Variants in ZNF691 observed in about 807,000 individuals in gnomAD.
ZNF691 encodes the protein zinc finger protein 691.
A neutral mutation model predicts 24.1 loss-of-function variants in ZNF691; 11 were observed. The ratio of observed to expected loss-of-function variants is 0.46; its 90% CI spans 0.29 to 0.75. The LOEUF (loss-of-function observed/expected upper bound fraction) is 0.75, where lower values mean the gene tolerates loss of function less well. ZNF691 is among the 30% of genes least tolerant of loss of function. The pLI is 0.11. For missense variants in ZNF691, 356 were observed against 409.0 expected (o/e 0.87, Z 1.12); for synonymous variants, 149 against 153.9 (o/e 0.97, Z 0.23).
chr1:42,851,485 G>A lies in ZNF691; in HGVS notation c.620G>A (p.Ser207Asn), dbSNP rs1359381281. 2.5e-6 allele frequency: 4 copies of A among 1,614,096 alleles called. No homozygotes were observed. Among genetic ancestry groups the A allele is most frequent in the African/African-American group, 1.3e-5 (1 of 74,936 alleles). Reference protein sequence around the residue: ...RPYRCDICGKSFSQSATLAVH... With the variant: ...RPYRCDICGKNFSQSATLAVH... ...TACCGCTGTGACATCTGTGGCAAGA[G>A]CTTCAGCCAGAGTGCCACGCTAGCT... is the stretch of plus-strand genomic sequence containing the variant. Residue 207 changes from serine (S) to asparagine (N), a missense_variant, in exon 4 of 4, where the codon AGC becomes AAC. By Grantham distance (46) the Ser-to-Asn change is conservative (BLOSUM62 1). Coordinates refer to ENST00000651192, the MANE Select transcript of ZNF691 (RefSeq NM_001242739.2). The surrounding 1 kb of genome is among the most constrained non-coding windows in gnomAD (Gnocchi z 4.7).
In ZNF691 at chr1:42,851,934, G is replaced by C. The variant is rs1361545099; in HGVS notation, c.*121G>C. ...GCCCTTCATCCCACTTTGGAGAATG[G>C]TTTTGTATAGCCTCTGAAGTCAGGA... is the stretch of plus-strand genomic sequence containing the variant. On this transcript the variant is annotated 3_prime_UTR_variant, in exon 4 of 4. Transcript: ENST00000651192. This position sits in a 1 kb window ranked among gnomAD's most constrained non-coding sequence, Gnocchi z 4.7. 1.4e-6 allele frequency: 2 copies of C among 1,427,864 alleles called. No homozygotes were observed. The highest frequency in any genetic ancestry group is 1.9e-6 in the Non-Finnish European group (2 of 1,033,884). 88.4% of individuals were successfully genotyped at this position (1,427,864 alleles called of 1,614,324 possible).
chr1:42,846,618 A>G lies in ZNF691; in HGVS notation c.-257A>G, dbSNP rs1452552388. 1.3e-5 allele frequency: 2 copies of G among 152,282 alleles called. No homozygotes were observed. The highest frequency in any genetic ancestry group is 4.8e-5 in the African/African-American group (2 of 41,452). The allele number at this position is 152,282 out of a possible 1,614,324, so 9.4% of individuals were successfully genotyped here. On this transcript the variant is annotated 5_prime_UTR_variant, in exon 1 of 4. Transcript: ENST00000651192. The stretch of plus-strand genomic sequence containing the variant: ...CCGGCTCCAGCTCCTTCCCTCGCCT[A>G]CAGAGGCGGCGCTGTCCCTGATCGA...
In ZNF691 at chr1:42,851,483, G is replaced by A. The variant is rs1219748152; in HGVS notation, c.618G>A (p.Lys206=). 3.7e-6 allele frequency: 6 copies of A among 1,614,246 alleles called. No homozygotes were observed. Among genetic ancestry groups the A allele is most frequent in the Non-Finnish European group, 4.2e-6 (5 of 1,180,050 alleles). ...KRPYRCDICG[K]SFSQSATLAV... ...CATACCGCTGTGACATCTGTGGCAA[G>A]AGCTTCAGCCAGAGTGCCACGCTAG... Residue 206 remains lysine, a synonymous_variant, in exon 4 of 4, where the codon AAG becomes AAA. Coordinates refer to ENST00000651192, the MANE Select transcript of ZNF691 (RefSeq NM_001242739.2). This position sits in a 1 kb window ranked among gnomAD's most constrained non-coding sequence, Gnocchi z 4.7.
In ZNF691 at chr1:42,851,514, C is replaced by T; in HGVS notation, c.649C>T (p.His217Tyr). The stretch of plus-strand genomic sequence containing the variant: ...CAGCCAGAGTGCCACGCTAGCTGTG[C>T]ATCACCGGACCCACCTGGAGCCAGC... ...SFSQSATLAVHHRTHLEPAPY... is the reference protein window; with the variant it reads ...SFSQSATLAVYHRTHLEPAPY... The change falls in exon 4 of 4, where the codon CAT becomes TAT. Residue 217 changes from histidine to tyrosine, a missense_variant. Physicochemically the swap from His to Tyr is moderately conservative, Grantham distance 83. Transcript: ENST00000651192. This position sits in a 1 kb window ranked among gnomAD's most constrained non-coding sequence, Gnocchi z 4.7. 6.2e-7 allele frequency: 1 copy of T among 1,614,232 alleles called. No individual in the cohort carries two copies. The highest frequency in any genetic ancestry group is 1.1e-5 in the South Asian group (1 of 91,088).
At position 42,851,675 on chromosome 1, in the gene ZNF691, T is replaced by A; in HGVS notation, c.810T>A (p.Phe270Leu). Residue 270 changes from phenylalanine to leucine, a missense_variant, in exon 4 of 4, where the codon TTT (phenylalanine) becomes TTA (leucine). By Grantham distance (22) the Phe-to-Leu change is conservative (BLOSUM62 0). Coordinates refer to ENST00000651192, the MANE Select transcript of ZNF691 (RefSeq NM_001242739.2). This position sits in a 1 kb window ranked among gnomAD's most constrained non-coding sequence, Gnocchi z 4.7. ...GGACCTTCAGCGATATCTCCAACTT[T>A]GGAGCACACCAGCGGACCCACAGAG... ...CGRTFSDISN[F>L]GAHQRTHRGE... 6.2e-7 allele frequency: 1 copy of A among 1,612,562 alleles called. No homozygotes were observed. Among genetic ancestry groups the A allele is most frequent in the Non-Finnish European group, 8.5e-7 (1 of 1,179,474 alleles).
chr1:42,846,635 C>T lies in ZNF691; in HGVS notation c.-240C>T, dbSNP rs933993759. Reference sequence around the variant, plus strand: ...CCTCGCCTACAGAGGCGGCGCTGTCCCTGATCGAGCGGCGGGAGCGAGGTG... The same window carrying T: ...CCTCGCCTACAGAGGCGGCGCTGTCTCTGATCGAGCGGCGGGAGCGAGGTG... On this transcript the variant is annotated 5_prime_UTR_variant, in exon 1 of 4. Transcript: ENST00000651192. The T allele has an allele frequency of 6.6e-6, 1 of 152,474 alleles. No individual in the cohort carries two copies. The highest frequency in any genetic ancestry group is 2.4e-5 in the African/African-American group (1 of 41,466). The allele number at this position is 152,474 out of a possible 1,614,324, so 9.4% of individuals were successfully genotyped here. A position where few individuals can be genotyped will look rare whatever the true frequency, so the allele number is the denominator to read the frequency against.
rs1426935086 is a variant in ZNF691 at position 42,850,345 on chromosome 1, A to AGGTCCCAGGTATTAACCCAGATGTT, written c.84+604_85-580dup. On this transcript the variant is annotated intron_variant, in intron 3 of 3. Transcript: ENST00000651192. ...GCCCAGGCCCCACAGTAGGTCCTGG[A>AGGTCCCAGGTATTAACCCAGATGTT]GGTCCCAGGTATTAACCCAGATGTT... is the stretch of plus-strand genomic sequence containing the variant. The AGGTCCCAGGTATTAACCCAGATGTT allele has an allele frequency of 3.9e-5, 36 of 916,262 alleles. No homozygotes were observed. In the East Asian group the frequency reaches 4.3e-3, roughly 108 times the overall value. The allele number at this position is 916,262 out of a possible 1,614,324, so 56.8% of individuals were successfully genotyped here.
At position 42,851,035 on chromosome 1, in the gene ZNF691, A is replaced by G. The variant is rs1342585097; in HGVS notation, c.170A>G (p.Asp57Gly). 1.9e-6 allele frequency: 3 copies of G among 1,575,932 alleles called. No homozygotes were observed. The highest frequency in any genetic ancestry group is 2.6e-6 in the Non-Finnish European group (3 of 1,162,700). ...EGEGGKPWRV[D>G]DSEGSWIPPG... Reference sequence around the variant, plus strand: ...GAAGGGGGTAAGCCTTGGAGAGTGGATGACTCAGAGGGTTCTTGGATCCCA... The same window carrying G: ...GAAGGGGGTAAGCCTTGGAGAGTGGGTGACTCAGAGGGTTCTTGGATCCCA... Residue 57 changes from aspartate to glycine, a missense_variant, in exon 4 of 4, where the codon GAT (aspartate) becomes GGT (glycine). Physicochemically the swap from Asp to Gly is moderately conservative, Grantham distance 94 (BLOSUM62 -1). Coordinates refer to ENST00000651192, the MANE Select transcript of ZNF691 (RefSeq NM_001242739.2). This position sits in a 1 kb window ranked among gnomAD's most constrained non-coding sequence, Gnocchi z 4.7.
At chr1:42,847,233 C>G (rs1413125969) in intron 1 of ZNF691, among the ~76,000 whole-genome samples, 3 of 152,232 alleles carry the variant, frequency 2.0e-5, no homozygotes, top group African/African-American at 7.2e-5. Flanking sequence ...CTCTTCCTCC[C>G]TGCAGCCCTT....
chr1:42,852,059 A>C lies in ZNF691; in HGVS notation c.*246A>C. 3 of 660,688 alleles carry C rather than the reference A, an allele frequency of 4.5e-6. No individual in the cohort carries two copies. Among genetic ancestry groups the C allele is most frequent in the Non-Finnish European group, 8.3e-6 (3 of 360,148 alleles). The allele number at this position is 660,688 out of a possible 1,614,324, so 40.9% of individuals were successfully genotyped here. ...AGTCAGAAGACCCAGTCTTGGCTTTACTTTCTTGGGGTGAAAGAGAAATAG... is the reference window on the plus strand; with the variant it reads ...AGTCAGAAGACCCAGTCTTGGCTTTCCTTTCTTGGGGTGAAAGAGAAATAG... On this transcript the variant is annotated 3_prime_UTR_variant, in exon 4 of 4. Transcript: ENST00000651192.
At chr1:42,847,167 C>T (rs1655263808) in intron 1 of ZNF691, among the ~76,000 whole-genome samples, 1 of 152,202 alleles carries the variant, frequency 6.6e-6, no homozygotes, top group Non-Finnish European at 1.5e-5. Context: ...TATCTAGCTT[C>T]CCTGTACAAT....
At chr1:42,847,856 G>A (rs1655282416) in intron 1 of ZNF691, among the ~76,000 whole-genome samples, 1 of 152,226 alleles carries the variant, frequency 6.6e-6, no homozygotes, top group African/African-American at 2.4e-5. Flanking sequence ...TCTAAAATAA[G>A]GATGATGTGA....
intron 2 of ZNF691, 57 bp downstream of exon 2, chr1:42,849,470 T>C: frequency 1.5e-6 from 1 of 688,900 alleles, no homozygotes; most frequent in Non-Finnish European, 2.7e-6. Flanking sequence ...TTGAATAATT[T>C]GCAGAGAGCG....
In ZNF691 at chr1:42,851,896, A is replaced by G. The variant is rs769509873; in HGVS notation, c.*83A>G. ...AAGATCTTCAGCATCTTTTGCTGCT[A>G]CCTTGACCTCAAGCCCTTCATCCCA... On this transcript the variant is annotated 3_prime_UTR_variant, in exon 4 of 4. Transcript: ENST00000651192. The surrounding 1 kb of genome is among the most constrained non-coding windows in gnomAD (Gnocchi z 4.7). 2.5e-6 allele frequency: 4 copies of G among 1,572,822 alleles called. No individual in the cohort carries two copies. The highest frequency in any genetic ancestry group is 2.3e-5 in the East Asian group (1 of 42,830).
rs1314751226 is a variant in ZNF691 at position 42,851,501 on chromosome 1, C to G, written c.636C>G (p.Ala212=). 1.2e-6 allele frequency: 2 copies of G among 1,614,142 alleles called. No individual in the cohort carries two copies. The highest frequency in any genetic ancestry group is 2.2e-5 in the South Asian group (2 of 91,090). Residue 212 remains alanine, a synonymous_variant, in exon 4 of 4, where the codon GCC becomes GCG. Transcript: ENST00000651192. The surrounding 1 kb of genome is among the most constrained non-coding windows in gnomAD (Gnocchi z 4.7). ...DICGKSFSQS[A]TLAVHHRTHL... Reference sequence around the variant, plus strand: ...GTGGCAAGAGCTTCAGCCAGAGTGCCACGCTAGCTGTGCATCACCGGACCC... The same window carrying G: ...GTGGCAAGAGCTTCAGCCAGAGTGCGACGCTAGCTGTGCATCACCGGACCC...
intron 1 of ZNF691, 130 bp downstream of exon 1, chr1:42,846,787 G>A (rs1425839311): frequency 6.9e-6 from 1 of 145,724 alleles, no homozygotes; most frequent in African/African-American, 2.6e-5. Flanking sequence ...CGAGTGGGAA[G>A]CCAAGGGGCC....
At position 42,851,720 on chromosome 1, in the gene ZNF691, C is replaced by G; in HGVS notation, c.855C>G (p.Cys285Trp). 6.2e-7 allele frequency: 1 copy of G among 1,614,252 alleles called. No homozygotes were observed. The highest frequency in any genetic ancestry group is 8.5e-7 in the Non-Finnish European group (1 of 1,180,044). The change falls in exon 4 of 4, where the codon TGC (cysteine) becomes TGG (tryptophan). Residue 285 changes from cysteine to tryptophan, a missense_variant. Cys to Trp is a radical substitution (Grantham distance 215). Transcript: ENST00000651192. The surrounding 1 kb of genome is among the most constrained non-coding windows in gnomAD (Gnocchi z 4.7). ...RTHRGEKPYRCTVCGKHFSRS... is the reference protein window; with the variant it reads ...RTHRGEKPYRWTVCGKHFSRS... ...ACAGAGGGGAGAAGCCCTACCGGTGCACTGTGTGTGGGAAACACTTCTCCC... is the reference window on the plus strand; with the variant it reads ...ACAGAGGGGAGAAGCCCTACCGGTGGACTGTGTGTGGGAAACACTTCTCCC...
At chr1:42,848,639 A>G (rs1655300591) in intron 1 of ZNF691, among the ~76,000 whole-genome samples, 1 of 152,010 alleles carries the variant, frequency 6.6e-6, no homozygotes, top group Admixed American at 6.6e-5. Context: ...GGCTGCCACT[A>G]CTCTAGGAGT....
chr1:42,849,840 A>G lies in ZNF691; in HGVS notation c.84+98A>G, dbSNP rs141246021. 1.5e-3 allele frequency: 1,597 copies of G among 1,048,886 alleles called. 22 individuals are homozygous for G. In the African/African-American group the frequency reaches 0.023, roughly 15 times the overall value. 65.0% of individuals were successfully genotyped at this position (1,048,886 alleles called of 1,614,324 possible). A position where few individuals can be genotyped will look rare whatever the true frequency, so the allele number is the denominator to read the frequency against. ...ATTAGTGATGTTTGCACAAATCAGG[A>G]CCTGTACTGGGCACTCTTATGTGTT... On this transcript the variant is annotated intron_variant, in intron 3 of 3. Coordinates refer to ENST00000651192, the MANE Select transcript of ZNF691 (RefSeq NM_001242739.2).
Sources: allele counts gnomAD v4.1 joint callset (sites outside exome capture counted in the v4.1 genomes callset), GRCh38; gene constraint gnomAD v4.1.1; non-coding constraint Gnocchi (gnomAD v3.1); transcripts MANE v1.5; gene names NCBI Gene and HGNC (gene_info 2026-07-23, HGNC 2026-07-21).